The following MALRD1 variants were observed in gnomAD, a reference collection of about 807,000 sequenced individuals.
MALRD1 encodes the protein MAM and LDL receptor class A domain containing 1.
MALRD1 carries 247 observed loss-of-function variants against 242.1 expected under a neutral mutation model. The observed-to-expected ratio is 1.02, with a 90% CI of 0.92 to 1.13. MALRD1 has a LOEUF of 1.13. Among genes scored for constraint, MALRD1 ranks in the 50% most tolerant of loss-of-function variants. The probability of loss-of-function intolerance (pLI) is 0.00; values close to 1 mark genes in which losing one functional copy is unlikely to be tolerated. For synonymous variants in MALRD1, 995 were observed against 866.6 expected, an observed-to-expected ratio of 1.15 and a Z score of -2.60; for missense variants, 2,989 against 2,533.1, an observed-to-expected ratio of 1.18 and a Z score of -3.86.
At chr10:19,707,589 A>G (rs984373564) in intron 38 of MALRD1, among the ~76,000 whole-genome samples, 4 of 152,164 alleles carry the variant, frequency 2.6e-5, no homozygotes, top group South Asian at 4.1e-4. Context: ...CTTGAACCTG[A>G]GCAGCAGTGA....
rs1435734282 is a variant in MALRD1, at chr10:19,246,862, A to G, written c.2992-10822A>G. ...CTTGATGAGTTTGGGAAAAGCATTA[A>G]TGGACAATTTCATCAGTTTGATATA... On this transcript the variant is annotated intron_variant, in intron 18 of 39. Transcript: ENST00000454679. 2.6e-5 allele frequency among the ~76,000 whole-genome samples: 4 copies of G among 152,244 alleles called. No homozygotes were observed. The East Asian group carries it at 5.8e-4, about 22-fold the overall frequency.
chr10:19,471,125 G>A (rs181354259), intron 29 of MALRD1, among the ~76,000 whole-genome samples: 24 of 151,798 alleles, frequency 1.6e-4, no homozygotes, highest in Admixed American at 7.9e-4. Flanking sequence ...TAAGATAAAT[G>A]TTCAGTTGCA....
chr10:19,238,515 A>G (rs1838569563), intron 18 of MALRD1, among the ~76,000 whole-genome samples: 1 of 82,224 alleles, frequency 1.2e-5, no homozygotes, highest in Non-Finnish European at 2.1e-5. Context: ...TATATAATGT[A>G]TATTATATAT....
At chr10:19,078,605 A>G (rs1379352527) in intron 2 of MALRD1, among the ~76,000 whole-genome samples, 1 of 151,832 alleles carries the variant, frequency 6.6e-6, no homozygotes, top group Non-Finnish European at 1.5e-5. Context: ...ATTAGTGTTA[A>G]TCATTTAAAT....
At chr10:19,336,613 G>A (rs1007416032) in intron 24 of MALRD1, among the ~76,000 whole-genome samples, 5 of 152,046 alleles carry the variant, frequency 3.3e-5, no homozygotes, top group African/African-American at 1.2e-4. Flanking sequence ...CTGTTGTTTA[G>A]GAAAAAGACA....
intron 29 of MALRD1, 109 bp downstream of exon 29, chr10:19,450,599 C>G (rs1835269528): frequency 1.1e-6 from 1 of 939,460 alleles, no homozygotes; most frequent in Non-Finnish European, 1.6e-6. Flanking sequence ...TGTACACATA[C>G]ACAAATCAAT....
intron 34 of MALRD1, among the ~76,000 whole-genome samples, chr10:19,606,621 C>T (rs1343761966): frequency 6.6e-6 from 1 of 152,114 alleles, no homozygotes; most frequent in Non-Finnish European, 1.5e-5. Flanking sequence ...CTCTGCTCCA[C>T]ACACATCACA....
chr10:19,049,101 A>C lies in MALRD1; in HGVS notation c.163A>C (p.Thr55Pro). ...GCCTCCTGACAGCATTTGTGACTTC[A>C]CAGATCAGTGTGGGGATAGCAGTGA... ...SLPPDSICDF[T>P]DQCGDSSDER... Residue 55 changes from threonine to proline, a missense_variant, in exon 1 of 40, where the codon ACA (threonine) becomes CCA (proline). Transcript: ENST00000454679. The C allele has an allele frequency of 1.6e-6, 2 of 1,233,874 alleles. No homozygotes were observed. The highest frequency in any genetic ancestry group is 2.0e-6 in the Non-Finnish European group (2 of 988,134). The allele number at this position is 1,233,874 out of a possible 1,614,324, so 76.4% of individuals were successfully genotyped here. A position where few individuals can be genotyped will look rare whatever the true frequency, so the allele number is the denominator to read the frequency against.
At chr10:19,470,662 G>A (rs1322632176) in intron 29 of MALRD1, among the ~76,000 whole-genome samples, 1 of 151,800 alleles carries the variant, frequency 6.6e-6, no homozygotes, top group Non-Finnish European at 1.5e-5. Context: ...GTTTTGATTT[G>A]TATTTCTCTA....
At chr10:19,709,243 TAAAA>T (rs557818453) in intron 38 of MALRD1, among the ~76,000 whole-genome samples, 52,868 of 105,406 alleles carry the variant, frequency 0.5, 11,629 homozygotes, top group South Asian at 0.59. Flanking sequence ...CCGTCTGTAC[TAAAA>T]AAAAAAAAAA....
At chr10:19,079,118 C>G (rs1835405546) in intron 2 of MALRD1, among the ~76,000 whole-genome samples, 1 of 151,444 alleles carries the variant, frequency 6.6e-6, no homozygotes, top group East Asian at 1.9e-4. Flanking sequence ...TAGGCATTTA[C>G]AGCTATACAT....
chr10:19,367,173 A>G (rs915904683), intron 26 of MALRD1, among the ~76,000 whole-genome samples: 1 of 152,104 alleles, frequency 6.6e-6, no homozygotes, highest in African/African-American at 2.4e-5. Context: ...ATTGTTAGCT[A>G]TAGTCATCCT....
chr10:19,136,392 G>A (rs1046896466), intron 9 of MALRD1, among the ~76,000 whole-genome samples, 182 bp from the exon 10 acceptor site: 43 of 151,872 alleles, frequency 2.8e-4, no homozygotes, highest in African/African-American at 1.0e-3. Context: ...ACAACCTGCA[G>A]GTTTGTTATG....
At chr10:19,329,711 T>C (rs769278169) in intron 23 of MALRD1, among the ~76,000 whole-genome samples, 7 of 152,186 alleles carry the variant, frequency 4.6e-5, no homozygotes, top group East Asian at 1.9e-4. Flanking sequence ...CCATGCTACA[T>C]TGTCTACCAA....
intron 26 of MALRD1, among the ~76,000 whole-genome samples, chr10:19,373,007 G>A (rs547800152): frequency 3.3e-5 from 5 of 151,864 alleles, no homozygotes; most frequent in Non-Finnish European, 7.4e-5. Flanking sequence ...GGATGTTCAT[G>A]TGAATGAAAG....
chr10:19,065,302 A>AAAAAAAAAAAAAAAAAAAAAAAAC, intron 1 of MALRD1, among the ~76,000 whole-genome samples: 1 of 150,500 alleles, frequency 6.6e-6, no homozygotes, highest in Non-Finnish European at 1.5e-5. Context: ...AAAAAAAAAA[A>AAAAAAAAAAAAAAAAAAAAAAAAC]AAAAAAAGGA....
At chr10:19,268,752 G>C (rs928676230) in intron 19 of MALRD1, among the ~76,000 whole-genome samples, 3 of 152,152 alleles carry the variant, frequency 2.0e-5, no homozygotes, top group African/African-American at 7.2e-5. Flanking sequence ...TGGCTGTAGG[G>C]AGGGAAGTCT....
intron 38 of MALRD1, among the ~76,000 whole-genome samples, chr10:19,715,689 G>A (rs502192): frequency 0.6 from 91,426 of 152,106 alleles, 28,370 homozygotes; most frequent in African/African-American, 0.75. Context: ...TGTTTGGCTG[G>A]CGGTTCTGCA....
At chr10:19,499,682 C>T (rs1837884520) in intron 31 of MALRD1, among the ~76,000 whole-genome samples, 1 of 152,140 alleles carries the variant, frequency 6.6e-6, no homozygotes, top group Admixed American at 6.6e-5. Context: ...ATACAATATT[C>T]TTCAAAACAG....
Sources: allele counts gnomAD v4.1 joint callset (sites outside exome capture counted in the v4.1 genomes callset), GRCh38; gene constraint gnomAD v4.1.1; transcripts MANE v1.5; gene names NCBI Gene and HGNC (gene_info 2026-07-23, HGNC 2026-07-21).